STK31: variants seen among roughly 807,000 people sequenced by gnomAD.
STK31 encodes the protein serine/threonine-protein kinase 31.
Under a neutral mutation model 129.7 loss-of-function variants are expected in STK31, and 89 were observed. That is an observed-to-expected ratio of 0.69 (90% CI 0.58 to 0.82). The LOEUF is 0.82. STK31 is among the 40% of genes least tolerant of loss of function. The pLI, the probability that STK31 is intolerant of heterozygous loss-of-function variation, is 0.00. For missense variants in STK31, 1,187 were observed against 1,176.4 expected, an observed-to-expected ratio of 1.01 and a Z score of -0.13; for synonymous variants, 448 against 395.3, an observed-to-expected ratio of 1.13 and a Z score of -1.58.
Position 23,785,509 on chromosome 7 carries a change from A to G in STK31, c.2180A>G (p.Glu727Gly). Reference protein sequence around the residue: ...NSGGLLTMSLERDLLDAEPMK... With the variant: ...NSGGLLTMSLGRDLLDAEPMK... Reference sequence around the variant, plus strand: ...GGTGGTCTCCTTACAATGAGCTTGGAACGAGATCTTCTTGATGCTGAGCCC... The same window carrying G: ...GGTGGTCTCCTTACAATGAGCTTGGGACGAGATCTTCTTGATGCTGAGCCC... Residue 727 changes from glutamate to glycine, a missense_variant, in exon 18 of 24, where the codon GAA (glutamate) becomes GGA (glycine). Coordinates refer to ENST00000355870, the MANE Select transcript of STK31 (RefSeq NM_031414.5). The G allele has an allele frequency of 6.2e-7, 1 of 1,613,948 alleles. No individual in the cohort carries two copies. Among genetic ancestry groups the G allele is most frequent in the Non-Finnish European group, 8.5e-7 (1 of 1,179,892 alleles).
chr7:23,811,206 A>G lies in STK31; in HGVS notation c.2761-3938A>G, dbSNP rs564274091. 4 of 247,380 alleles carry G rather than the reference A, an allele frequency of 1.6e-5. No homozygotes were observed. The Admixed American group carries it at 1.8e-4, about 11-fold the overall frequency. 15.3% of individuals were successfully genotyped at this position (247,380 alleles called of 1,614,324 possible). ...ACATATAGGGTCACATCATCCTTAC[A>G]GTAGTTTAGCAGAGCAACTGTGCCA... On this transcript the variant is annotated intron_variant, in intron 22 of 23. Transcript: ENST00000355870.
chr7:23,809,609 A>T (rs1198400375), intron 22 of STK31, among the ~76,000 whole-genome samples: 1 of 152,094 alleles, frequency 6.6e-6, no homozygotes, highest in Non-Finnish European at 1.5e-5. Context: ...TGCAGGCTTT[A>T]TGTCTTATTA....
intron 8 of STK31, among the ~76,000 whole-genome samples, chr7:23,750,067 T>TACCCCCCC (rs1788611310): frequency 1.1e-5 from 1 of 90,556 alleles, no homozygotes; most frequent in Non-Finnish European, 2.3e-5. Flanking sequence ...ATGGTTTGTT[T>TACCCCCCC]CCCCCCCCGC....
In STK31 at chr7:23,743,154, A is replaced by T. The variant is rs534148006; in HGVS notation, c.1017+6076A>T. ...TTTTTAGTAGAAACGGGGTTTCACC[A>T]TGTTGGCCAGGCTGGTCTTGAATTC... On this transcript the variant is annotated intron_variant, in intron 8 of 23. Transcript: ENST00000355870. Among the ~76,000 whole-genome samples, 5 of 150,432 alleles carry T rather than the reference A, an allele frequency of 3.3e-5. No individual in the cohort carries two copies. The East Asian group carries it at 9.7e-4, about 29-fold the overall frequency.
intron 8 of STK31, among the ~76,000 whole-genome samples, chr7:23,746,565 A>T (rs1788366966): frequency 6.6e-6 from 1 of 152,234 alleles, no homozygotes; most frequent in South Asian, 2.1e-4. Context: ...CCTGTCTGAA[A>T]TAATGTAATC....
At chr7:23,714,128 T>C (rs1413510222) in intron 3 of STK31, among the ~76,000 whole-genome samples, 1 of 152,174 alleles carries the variant, frequency 6.6e-6, no homozygotes, top group Admixed American at 6.5e-5. Flanking sequence ...TTGACCACAA[T>C]GTCACTATGT....
chr7:23,830,875 C>T (rs1794504086), intron 23 of STK31, among the ~76,000 whole-genome samples: 3 of 152,154 alleles, frequency 2.0e-5, no homozygotes, highest in African/African-American at 7.2e-5. Context: ...CTGCCTCCAC[C>T]TCCCAAAGAG....
At chr7:23,771,223 ATTG>A (rs1324839767) in intron 14 of STK31, 99 bp downstream of exon 14, 8 of 1,135,720 alleles carry the variant, frequency 7.0e-6, no homozygotes, top group African/African-American at 1.6e-5. Flanking sequence ...GTGTCAGTAA[ATTG>A]TTATTACTAG....
chr7:23,785,374 T>C, intron 17 of STK31, 104 bp from the exon 18 acceptor site: 1 of 1,473,926 alleles, frequency 6.8e-7, no homozygotes, highest in Non-Finnish European at 9.2e-7. Flanking sequence ...CCAGTACAGT[T>C]GATGGTGTCC....
chr7:23,826,513 C>T (rs1207199713), intron 23 of STK31, among the ~76,000 whole-genome samples: 1 of 152,110 alleles, frequency 6.6e-6, no homozygotes, highest in East Asian at 1.9e-4. Context: ...AGATGGGTTT[C>T]CTGAATACAG....
intron 15 of STK31, 96 bp downstream of exon 15, chr7:23,772,374 T>TA: frequency 3.2e-6 from 4 of 1,249,594 alleles, no homozygotes; most frequent in Non-Finnish European, 3.3e-6. Flanking sequence ...CTCTTTACAA[T>TA]AAGAGAGCCA....
At chr7:23,737,193 C>T in intron 8 of STK31, 115 bp downstream of exon 8, 1 of 943,934 alleles carries the variant, frequency 1.1e-6, no homozygotes, top group Non-Finnish European at 1.4e-6. Context: ...CTCTCCTTTG[C>T]TAATCCCTGT....
chr7:23,829,506 A>T (rs971558132), intron 23 of STK31, among the ~76,000 whole-genome samples: 4 of 152,036 alleles, frequency 2.6e-5, no homozygotes, highest in Admixed American at 2.6e-4. Flanking sequence ...TATGTTTTTG[A>T]TGTGCTGTTG....
At chr7:23,810,801 T>TATATATATTTGTATATAAATATGTATAA (rs1212829411) in intron 22 of STK31, among the ~76,000 whole-genome samples, 28 of 139,174 alleles carry the variant, frequency 2.0e-4, no homozygotes, top group Non-Finnish European at 2.8e-4. Context: ...TATAAATATG[T>TATATATATTTGTATATAAATATGTATAA]ATATATATTT....
At chr7:23,792,960 T>C (rs762863593) in intron 22 of STK31, among the ~76,000 whole-genome samples, 6 of 152,206 alleles carry the variant, frequency 3.9e-5, no homozygotes, top group Non-Finnish European at 8.8e-5. Flanking sequence ...AGTTTAAGGC[T>C]ACAGTAAGCT....
At chr7:23,772,307 T>A (rs1461730819) in intron 15 of STK31, 29 bp downstream of exon 15, 27 of 1,589,470 alleles carry the variant, frequency 1.7e-5, no homozygotes, top group Non-Finnish European at 2.2e-5. Flanking sequence ...CTTACTGATC[T>A]TTATGTGCAT....
chr7:23,786,894 T>C lies in STK31; in HGVS notation c.2457T>C (p.Ala819=). 1.4e-5 allele frequency: 22 copies of C among 1,613,984 alleles called. No homozygotes were observed. Among genetic ancestry groups the C allele is most frequent in the Non-Finnish European group, 1.9e-5 (22 of 1,179,916 alleles). ...VPYYPRANLN[A]VQANMPLNSE... is the part of the protein sequence containing the mutation. ...ACTACCCTAGGGCAAACCTGAATGC[T>C]GTTCAAGCCAACATGCCTTTAAATT... Residue 819 remains alanine, a synonymous_variant, in exon 20 of 24, where the codon GCT becomes GCC. Transcript: ENST00000355870.
In STK31 at chr7:23,832,255, A is replaced by G. The variant is rs1205103428; in HGVS notation, c.2949A>G (p.Pro983=). The G allele has an allele frequency of 6.2e-7, 1 of 1,614,106 alleles. No individual in the cohort carries two copies. The highest frequency in any genetic ancestry group is 1.1e-5 in the South Asian group (1 of 91,086). Residue 983 remains proline, a synonymous_variant, in exon 24 of 24, where the codon CCA becomes CCG. Transcript: ENST00000355870. ...LMPKEQSVPN[P]EKDTEYTLYK... ...CAAAGGAGCAATCAGTTCCAAACCC[A>G]GAAAAAGATACTGAATACACCCTAT...
intron 22 of STK31, among the ~76,000 whole-genome samples, chr7:23,792,308 TTG>T (rs1019869253): frequency 1.3e-5 from 2 of 152,190 alleles, no homozygotes; most frequent in East Asian, 1.9e-4. Context: ...TTCAATATAA[TTG>T]TGTTTTTATA....
Sources: gnomAD v4.1 joint callset for allele counts (sites outside exome capture counted in the v4.1 genomes callset) on GRCh38, gnomAD v4.1.1 for gene constraint, MANE v1.5 for transcripts, NCBI Gene and HGNC (gene_info 2026-07-23, HGNC 2026-07-21) for gene names.